Variants in UBE3D observed in about 807,000 individuals in gnomAD.
The protein encoded by UBE3D is ubiquitin protein ligase E3D.
A neutral mutation model predicts 49.6 loss-of-function variants in UBE3D; 48 were observed. The ratio of observed to expected loss-of-function variants is 0.97; its 90% CI spans 0.77 to 1.23. The LOEUF (loss-of-function observed/expected upper bound fraction) is 1.23, where lower values mean the gene tolerates loss of function less well. Ranked by LOEUF, UBE3D falls within the 50% of genes most tolerant of loss-of-function variation. The probability of loss-of-function intolerance (pLI) is 0.00; values close to 1 mark genes in which losing one functional copy is unlikely to be tolerated. For synonymous variants in UBE3D, 189 were observed against 174.2 expected (o/e 1.08, Z -0.67); for missense variants, 452 against 468.4 (o/e 0.96, Z 0.32).
At chr6:82,960,599 T>C (rs1223824947) in intron 8 of UBE3D, among the ~76,000 whole-genome samples, 2 of 151,576 alleles carry the variant, frequency 1.3e-5, no homozygotes, top group Non-Finnish European at 2.9e-5. Flanking sequence ...TTGTAAGTGA[T>C]ATAAATATGG....
intron 9 of UBE3D, among the ~76,000 whole-genome samples, chr6:82,904,682 T>C (rs1433450353): frequency 6.6e-6 from 1 of 152,218 alleles, no homozygotes; most frequent in African/African-American, 2.4e-5. Flanking sequence ...TGCTGTCTGC[T>C]GCTAATGAAC....
chr6:82,940,961 G>A (rs1316133608), intron 9 of UBE3D, among the ~76,000 whole-genome samples: 3 of 152,068 alleles, frequency 2.0e-5, no homozygotes, highest in Non-Finnish European at 2.9e-5. Context: ...ACCTGTAATC[G>A]CAGCAATTTG....
At chr6:83,027,414 G>A (rs1448565116) in intron 5 of UBE3D, among the ~76,000 whole-genome samples, 1 of 92,408 alleles carries the variant, frequency 1.1e-5, no homozygotes, top group Non-Finnish European at 2.0e-5. Flanking sequence ...CCAGCCTGGC[G>A]ACAGAGCGAG....
intron 8 of UBE3D, among the ~76,000 whole-genome samples, chr6:82,979,180 T>C (rs994111920): frequency 2.6e-5 from 4 of 152,184 alleles, no homozygotes; most frequent in Non-Finnish European, 5.9e-5. Context: ...TCTTGCAATA[T>C]GGTAAGTGCT....
At chr6:83,055,871 A>C (rs781363272) in intron 2 of UBE3D, among the ~76,000 whole-genome samples, 4 of 152,324 alleles carry the variant, frequency 2.6e-5, no homozygotes, top group Non-Finnish European at 4.4e-5. Context: ...TCAAGTTCAC[A>C]CCAGTACATA....
At chr6:82,882,786 T>A in the UBE3D span, among the ~76,000 whole-genome samples, 3 of 151,860 alleles carry the variant, frequency 2.0e-5, no homozygotes, top group Non-Finnish European at 4.4e-5. Flanking sequence ...AAAATAACCT[T>A]TTTTTTTACA....
In UBE3D at chr6:82,957,022, G is replaced by A. The variant is rs559045395; in HGVS notation, c.1149+290C>T. Among the ~76,000 whole-genome samples, 8 of 152,086 alleles carry A rather than the reference G, an allele frequency of 5.3e-5. No homozygotes were observed. In the East Asian group the frequency reaches 1.4e-3, roughly 26 times the overall value. ...CATGCACCTGTAGTCCCAGCTACTC[G>A]GGAGGCTGAGGCATGAGAATTGCTT... On this transcript the variant is annotated intron_variant, in intron 9 of 9. Transcript: ENST00000369747.
At chr6:82,929,939 T>C (rs184318353) in intron 9 of UBE3D, among the ~76,000 whole-genome samples, 1 of 152,166 alleles carries the variant, frequency 6.6e-6, no homozygotes, top group African/African-American at 2.4e-5. Context: ...TCACTCTTAG[T>C]GGTGTACATT....
At chr6:82,937,040 T>C (rs1261541747) in intron 9 of UBE3D, among the ~76,000 whole-genome samples, 1 of 152,196 alleles carries the variant, frequency 6.6e-6, no homozygotes, top group Non-Finnish European at 1.5e-5. Flanking sequence ...TTTTCTTTAC[T>C]GCTCCATAGA....
intron 9 of UBE3D, among the ~76,000 whole-genome samples, chr6:82,900,926 A>G (rs1298809843): frequency 1.3e-5 from 2 of 152,192 alleles, no homozygotes; most frequent in Non-Finnish European, 1.5e-5. Flanking sequence ...CTTTATTGCA[A>G]TTATTGAAAC....
chr6:83,062,712 C>T (rs1163796426), intron 1 of UBE3D, among the ~76,000 whole-genome samples: 2 of 152,136 alleles, frequency 1.3e-5, no homozygotes, highest in South Asian at 4.1e-4. Context: ...AGTATTTTTA[C>T]AGCTTTTTGC....
chr6:82,966,673 AC>A (rs1776959828), intron 8 of UBE3D, among the ~76,000 whole-genome samples: 1 of 150,260 alleles, frequency 6.7e-6, no homozygotes, highest in Admixed American at 6.7e-5. Flanking sequence ...AAAAAAAAAA[AC>A]CACTGAATTG....
At chr6:83,032,887 C>T (rs1000210533) in intron 5 of UBE3D, among the ~76,000 whole-genome samples, 1 of 152,164 alleles carries the variant, frequency 6.6e-6, no homozygotes, top group Non-Finnish European at 1.5e-5. Context: ...GTGTCTTTGT[C>T]CCCCTTCACC....
At chr6:83,008,713 A>G (rs770555621) in intron 8 of UBE3D, among the ~76,000 whole-genome samples, 1 of 152,206 alleles carries the variant, frequency 6.6e-6, no homozygotes, top group Non-Finnish European at 1.5e-5. Context: ...TTGGACTAAA[A>G]TAGTTAATAC....
chr6:82,994,542 G>T (rs927094855), intron 8 of UBE3D, among the ~76,000 whole-genome samples: 1 of 152,140 alleles, frequency 6.6e-6, no homozygotes, highest in Non-Finnish European at 1.5e-5. Flanking sequence ...AGAGGCAGGG[G>T]TATGATTGCA....
intron 8 of UBE3D, among the ~76,000 whole-genome samples, chr6:83,015,121 A>G (rs1345375614): frequency 6.6e-6 from 1 of 152,178 alleles, no homozygotes; most frequent in East Asian, 1.9e-4. Flanking sequence ...TAAATTTTGT[A>G]GTTGAGTGAC....
intron 5 of UBE3D, chr6:83,037,440 C>T (rs1237137181): frequency 1.3e-5 from 2 of 152,184 alleles, no homozygotes; most frequent in East Asian, 1.9e-4. Context: ...CCTTATTTAA[C>T]CAGAAGGCTT....
intron 1 of UBE3D, chr6:83,063,209 T>TC (rs1450620063): frequency 4.0e-6 from 1 of 249,386 alleles, no homozygotes; most frequent in Non-Finnish European, 8.3e-6. Context: ...GTCCAGGAGT[T>TC]CAAGACCAGC....
At chr6:82,891,054 T>TG (rs1266185064), downstream of UBE3D, among the ~76,000 whole-genome samples, 1 of 151,914 alleles carries the variant, frequency 6.6e-6, no homozygotes, top group African/African-American at 2.4e-5. Flanking sequence ...TATTCATTTG[T>TG]GAAAAAAAAA....
Sources: allele counts gnomAD v4.1 joint callset (sites outside exome capture counted in the v4.1 genomes callset), GRCh38; gene constraint gnomAD v4.1.1; transcripts MANE v1.5; gene names NCBI Gene and HGNC (gene_info 2026-07-23, HGNC 2026-07-21).